MYH9: variants seen among roughly 807,000 people sequenced by gnomAD.
MYH9 encodes myosin heavy chain 9.
MYH9 carries 29 observed loss-of-function variants against 241.9 expected under a neutral mutation model. That is an observed-to-expected ratio of 0.12 (90% confidence interval 0.09 to 0.16). The LOEUF (loss-of-function observed/expected upper bound fraction) is 0.16, where lower values mean the gene tolerates loss of function less well. MYH9 is among the 10% of genes least tolerant of loss of function. MYH9 has a pLI of 1.00. For synonymous variants in MYH9, 1,047 were observed against 1,062.6 expected, an observed-to-expected ratio of 0.99 and a Z score of 0.29; for missense variants, 1,803 against 2,595.5, an observed-to-expected ratio of 0.69 and a Z score of 6.63.
At chr22:36,348,189 A>T (rs987294571) in intron 2 of MYH9, among the ~76,000 whole-genome samples, 1 of 150,184 alleles carries the variant, frequency 6.7e-6, no homozygotes, top group Non-Finnish European at 1.5e-5. Context: ...AAGATTTTTT[A>T]AAGATATTAT....
chr22:36,353,004 C>A (rs530237065), intron 1 of MYH9, among the ~76,000 whole-genome samples: 1 of 152,170 alleles, frequency 6.6e-6, no homozygotes, highest in Non-Finnish European at 1.5e-5. Flanking sequence ...ATGAAAGCCC[C>A]CTCGGCCACC....
chr22:36,285,729 C>T lies in MYH9; in HGVS notation c.5203G>A (p.Glu1735Lys). ...CCCTGCTCCTCCTCCAGCTCCTCCT[C>T]CAGCTGGGCGATGCGGGCCTCCAGA... ...RRLEARIAQL[E>K]EELEEEQGNT... The change falls in exon 37 of 41, where the codon GAG becomes AAG. Residue 1735 changes from glutamate (E) to lysine (K), a missense_variant. Physicochemically the swap from Glu to Lys is moderately conservative, Grantham distance 56. This residue lies in a region of MYH9 where 876 missense variants were observed against 1,077.8 expected (regional missense o/e 0.81). Transcript: ENST00000216181. The surrounding 1 kb of genome is among the most constrained non-coding windows in gnomAD (Gnocchi z 7.0). 6.2e-7 allele frequency: 1 copy of T among 1,613,150 alleles called. No individual in the cohort carries two copies. The highest frequency in any genetic ancestry group is 8.5e-7 in the Non-Finnish European group (1 of 1,179,886).
chr22:36,341,367 C>T lies in MYH9; in HGVS notation c.490+3G>A. The T allele has an allele frequency of 6.2e-7, 1 of 1,613,604 alleles. No homozygotes were observed. Among genetic ancestry groups the T allele is most frequent in the Non-Finnish European group, 8.5e-7 (1 of 1,179,780 alleles). ...CCAGGTGGGCACACACTACGTCACC[C>T]ACCTTGCATCATACTCCTGTAGGCG... On this transcript the variant is annotated splice_donor_region_variant and intron_variant, in intron 3 of 40. Coordinates refer to ENST00000216181, the MANE Select transcript of MYH9 (RefSeq NM_002473.6).
At chr22:36,339,332 C>T (rs2017547011) in intron 3 of MYH9, among the ~76,000 whole-genome samples, 1 of 152,184 alleles carries the variant, frequency 6.6e-6, no homozygotes, top group Non-Finnish European at 1.5e-5. Context: ...ACACTTTTTG[C>T]ACTAGGCCAA....
chr22:36,309,310 G>A lies in MYH9; in HGVS notation c.1815C>T (p.Asp605=). The A allele has an allele frequency of 1.2e-6, 2 of 1,614,200 alleles. No homozygotes were observed. Among genetic ancestry groups the A allele is most frequent in the South Asian group, 2.2e-5 (2 of 91,090 alleles). ...NIATLLHQSS[D]KFVSELWKDV... ...CCTTCCACAGCTCCGAGACAAACTT[G>A]TCAGAGGACTGGTGGAGCAGTGTGG... Residue 605 remains aspartate, a synonymous_variant, in exon 15 of 41, where the codon GAC becomes GAT. Transcript: ENST00000216181.
chr22:36,372,211 C>T (rs1421130962), intron 1 of MYH9, among the ~76,000 whole-genome samples: 1 of 152,054 alleles, frequency 6.6e-6, no homozygotes, highest in African/African-American at 2.4e-5. Context: ...ATTCAGACCA[C>T]GTGCAGTGGC....
At chr22:36,384,754 TCCAAG>T (rs2018325001) in intron 1 of MYH9, among the ~76,000 whole-genome samples, 1 of 150,322 alleles carries the variant, frequency 6.7e-6, no homozygotes, top group Admixed American at 6.7e-5. Context: ...CATAAGCACA[TCCAAG>T]CTGTGAGGCT....
chr22:36,377,225 ATCT>A (rs768017095), intron 1 of MYH9, among the ~76,000 whole-genome samples: 1 of 152,084 alleles, frequency 6.6e-6, no homozygotes, highest in Non-Finnish European at 1.5e-5. Flanking sequence ...GAGTTCTCAA[ATCT>A]TCTCCCCGAT....
Position 36,332,160 on chromosome 22 carries a change from C to T in MYH9, c.491-4672G>A, listed in dbSNP as rs146460199. Among the ~76,000 whole-genome samples the T allele has an allele frequency of 2.7e-3, 415 of 152,290 alleles. 2 individuals are homozygous for T. The highest frequency in any genetic ancestry group is 4.5e-3 in the Non-Finnish European group (309 of 68,038). ...TATGAGCACAGCACTCGGCACCTCC[C>T]GCAGGCCTGCCTCAGTGCTGCAAAG... On this transcript the variant is annotated intron_variant, in intron 3 of 40. Transcript: ENST00000216181.
At chr22:36,307,349 C>A (rs1289730311) in intron 15 of MYH9, among the ~76,000 whole-genome samples, 2 of 152,182 alleles carry the variant, frequency 1.3e-5, no homozygotes, top group African/African-American at 4.8e-5. Flanking sequence ...CAATTGCATC[C>A]TCCAAGGTAA....
intron 1 of MYH9, among the ~76,000 whole-genome samples, chr22:36,382,897 A>G (rs2018281881): frequency 6.6e-6 from 1 of 152,106 alleles, no homozygotes; most frequent in African/African-American, 2.4e-5. Context: ...CTGGTATGAT[A>G]TCTTTGTAGG....
At chr22:36,286,429 G>A (rs759420005) in intron 35 of MYH9, among the ~76,000 whole-genome samples, 1 of 152,192 alleles carries the variant, frequency 6.6e-6, no homozygotes, top group East Asian at 1.9e-4. Flanking sequence ...CCGAGGGGAC[G>A]CTCAGACCCC....
At position 36,300,710 on chromosome 22, in the gene MYH9, T is replaced by C; in HGVS notation, c.2838+141A>G. The C allele has an allele frequency of 8.7e-6, 8 of 921,634 alleles. No individual in the cohort carries two copies. Among genetic ancestry groups the C allele is most frequent in the Admixed American group, 4.0e-5 (2 of 50,248 alleles). The allele number at this position is 921,634 out of a possible 1,614,324, so 57.1% of individuals were successfully genotyped here. The stretch of plus-strand genomic sequence containing the variant: ...ACTACCAGCCCAAAGGGAACACCTC[T>C]CACTGAGAGCCCCAAGCAGATTGCG... On this transcript the variant is annotated intron_variant, in intron 22 of 40. Transcript: ENST00000216181. This position sits in a 1 kb window ranked among gnomAD's most constrained non-coding sequence, Gnocchi z 5.0.
intron 13 of MYH9, among the ~76,000 whole-genome samples, chr22:36,313,789 T>C (rs945618538): frequency 6.6e-6 from 1 of 152,180 alleles, no homozygotes; most frequent in Non-Finnish European, 1.5e-5. Flanking sequence ...CATCCATGCA[T>C]GGCTGTTTCT....
chr22:36,386,865 G>A (rs2018360047), intron 1 of MYH9, among the ~76,000 whole-genome samples: 1 of 152,274 alleles, frequency 6.6e-6, no homozygotes, highest in Non-Finnish European at 1.5e-5. Flanking sequence ...AGGGAAGCGG[G>A]TGCGTGGAGT....
At chr22:36,309,432 G>A (rs1459051306) in intron 14 of MYH9, 36 bp from the exon 15 acceptor site, 9 of 1,510,868 alleles carry the variant, frequency 6.0e-6, no homozygotes, top group South Asian at 2.2e-5. Flanking sequence ...CACAAGCTGC[G>A]CTGGGGACAT....
In MYH9 at chr22:36,300,840, CG is replaced by C; in HGVS notation, c.2838+10del. 1 of 1,599,854 alleles carries C rather than the reference CG, an allele frequency of 6.3e-7. No homozygotes were observed. The highest frequency in any genetic ancestry group is 8.5e-7 in the Non-Finnish European group (1 of 1,179,918). ...CGGCGCCACCCCTCCCCGGGTGCAG[CG>C]GGCAGGAACCTGGATGTTCTGCTGC... On this transcript the variant is annotated intron_variant, in intron 22 of 40. Coordinates refer to ENST00000216181, the MANE Select transcript of MYH9 (RefSeq NM_002473.6). This position sits in a 1 kb window ranked among gnomAD's most constrained non-coding sequence, Gnocchi z 5.0.
At chr22:36,309,687 C>T (rs561956324) in intron 14 of MYH9, among the ~76,000 whole-genome samples, 30 of 152,296 alleles carry the variant, frequency 2.0e-4, no homozygotes, top group Admixed American at 8.5e-4. Flanking sequence ...TGCTGGGTTT[C>T]AGCTTTTTTA....
At chr22:36,337,173 T>C (rs989274830) in intron 3 of MYH9, among the ~76,000 whole-genome samples, 3 of 152,184 alleles carry the variant, frequency 2.0e-5, no homozygotes, top group Non-Finnish European at 4.4e-5. Context: ...CCACGGAAAC[T>C]TGATGGCAAT....
Sources: gnomAD v4.1 joint callset for allele counts (sites outside exome capture counted in the v4.1 genomes callset) on GRCh38, gnomAD v4.1.1 for gene constraint, gnomAD v4.1.1 regional missense constraint, Gnocchi (gnomAD v3.1) non-coding constraint, MANE v1.5 for transcripts, NCBI Gene and HGNC (gene_info 2026-07-23, HGNC 2026-07-21) for gene names.